Variants in SPAG9 observed in about 807,000 individuals in gnomAD.
The protein encoded by SPAG9 is C-Jun-amino-terminal kinase-interacting protein 4.
Under a neutral mutation model 166.5 loss-of-function variants are expected in SPAG9, and 35 were observed. The observed-to-expected ratio is 0.21, with a 90% CI of 0.16 to 0.28. The LOEUF is 0.28. Among genes scored for constraint, SPAG9 ranks in the 10% least tolerant of loss-of-function variants. The pLI is 1.00. For missense variants in SPAG9, 1,235 were observed against 1,603.3 expected (o/e 0.77, Z 3.92); for synonymous variants, 534 against 565.5 (o/e 0.94, Z 0.79).
At chr17:51,075,195 C>CAAAA (rs57533555) in intron 2 of SPAG9, among the ~76,000 whole-genome samples, 337 of 28,344 alleles carry the variant, frequency 0.012, 1 homozygote, top group Non-Finnish European at 0.014. Flanking sequence ...GACTCCATCT[C>CAAAA]AAAAAAAAAA....
In SPAG9 at chr17:50,977,213, T is replaced by G; in HGVS notation, c.3418A>C (p.Lys1140Gln). 1 of 1,605,612 alleles carries G rather than the reference T, an allele frequency of 6.2e-7. No individual in the cohort carries two copies. Among genetic ancestry groups the G allele is most frequent in the South Asian group, 1.1e-5 (1 of 90,880 alleles). The change falls in exon 27 of 30, where the codon AAA (lysine) becomes CAA (glutamine). Residue 1140 changes from lysine to glutamine, a missense_variant. Around this residue, in one of 6 missense-constraint regions of SPAG9, gnomAD observed 243 missense variants for 358.6 expected, o/e 0.68. Coordinates refer to ENST00000262013, the MANE Select transcript of SPAG9 (RefSeq NM_001130528.3). ...PYVSKMLGTG[K>Q]LGFSFVRITA... is the part of the protein sequence containing the mutation. Reference sequence around the variant, plus strand: ...ATTCTCACAAAAGAGAAGCCCAGTTTTCCAGTACCTGTAAAGAAAGGAGGG... The same window carrying G: ...ATTCTCACAAAAGAGAAGCCCAGTTGTCCAGTACCTGTAAAGAAAGGAGGG...
chr17:51,035,137 C>G (rs1020273592), intron 5 of SPAG9, among the ~76,000 whole-genome samples: 4 of 152,082 alleles, frequency 2.6e-5, no homozygotes, highest in Non-Finnish European at 5.9e-5. Context: ...TAGTGAGGCC[C>G]TGTCTGTAAT....
At position 50,995,477 on chromosome 17, in the gene SPAG9, G is replaced by C; in HGVS notation, c.2025C>G (p.Leu675=). The change falls in exon 17 of 30, where the codon CTC becomes CTG. Residue 675 remains leucine, a synonymous_variant. Coordinates refer to ENST00000262013, the MANE Select transcript of SPAG9 (RefSeq NM_001130528.3). ...ATGTATCTTTTTCATCCAGAGGTCT[G>C]AGATAGACAGGCACAGGTAAATTTT... ...KMKNLPVPVY[L]RPLDEKDTSM... The C allele has an allele frequency of 6.2e-7, 1 of 1,610,846 alleles. No individual in the cohort carries two copies. The highest frequency in any genetic ancestry group is 8.5e-7 in the Non-Finnish European group (1 of 1,177,204).
At chr17:51,061,548 T>G (rs917904779) in intron 2 of SPAG9, among the ~76,000 whole-genome samples, 1 of 134,134 alleles carries the variant, frequency 7.5e-6, no homozygotes, top group Non-Finnish European at 1.5e-5. Flanking sequence ...AGGTGGAGGT[T>G]GCAGTGAGGT....
intron 1 of SPAG9, among the ~76,000 whole-genome samples, chr17:51,119,912 C>A (rs1259676487): frequency 1.3e-5 from 2 of 152,208 alleles, no homozygotes; most frequent in Non-Finnish European, 2.9e-5. Flanking sequence ...AGCAAGGCAA[C>A]CCCCTGGAAA....
At chr17:51,073,039 A>T (rs916885958) in intron 2 of SPAG9, among the ~76,000 whole-genome samples, 1 of 151,908 alleles carries the variant, frequency 6.6e-6, no homozygotes, top group African/African-American at 2.4e-5. Context: ...AAAATACAAA[A>T]CTTCAGCCGG....
At chr17:50,975,377 CA>C in intron 27 of SPAG9, 1 of 201,382 alleles carries the variant, frequency 5.0e-6, no homozygotes, top group Non-Finnish European at 9.9e-6. Flanking sequence ...TTCTCCCTCA[CA>C]GTAAGAATAT....
intron 15 of SPAG9, 147 bp from the exon 16 acceptor site, chr17:50,996,841 TA>T: frequency 1.3e-6 from 1 of 798,904 alleles, no homozygotes; most frequent in East Asian, 2.8e-5. Flanking sequence ...AACAGCTCCT[TA>T]AAAAGTGTTA....
chr17:51,001,916 G>A (rs1401163753), intron 12 of SPAG9, 71 bp from the exon 13 acceptor site: 4 of 1,407,656 alleles, frequency 2.8e-6, no homozygotes, highest in South Asian at 2.6e-5. Flanking sequence ...TCAGAGTTAT[G>A]CAAAATCTTT....
At chr17:51,106,102 TACACACACACACACACACACACAC>T (rs71149344) in intron 1 of SPAG9, among the ~76,000 whole-genome samples, 26 of 110,574 alleles carry the variant, frequency 2.4e-4, no homozygotes, top group Non-Finnish European at 3.6e-4. Context: ...CCCCCATCTC[TACACACACACACACACACACACAC>T]ACACACACAC....
intron 6 of SPAG9, among the ~76,000 whole-genome samples, chr17:51,023,855 G>A (rs888009567): frequency 2.6e-5 from 4 of 152,120 alleles, no homozygotes; most frequent in Non-Finnish European, 5.9e-5. Context: ...TGGTACAGAC[G>A]GAGTTTTGCC....
At chr17:51,017,595 T>C (rs2045756685) in intron 8 of SPAG9, among the ~76,000 whole-genome samples, 1 of 152,066 alleles carries the variant, frequency 6.6e-6, no homozygotes. Context: ...TCTTGCTAGC[T>C]TGGTAATCTG....
chr17:51,089,660 A>ATATATATATATATG (rs1555658088), intron 1 of SPAG9, among the ~76,000 whole-genome samples: 1 of 105,334 alleles, frequency 9.5e-6, no homozygotes, highest in Non-Finnish European at 2.0e-5. Flanking sequence ...ATATATATAT[A>ATATATATATATATG]TATACACATA....
chr17:51,075,209 AAAAAAAAAAAAAG>A (rs1035768293), intron 2 of SPAG9, among the ~76,000 whole-genome samples: 1 of 150,228 alleles, frequency 6.7e-6, no homozygotes, highest in African/African-American at 2.4e-5. Context: ...AAAAAAAAAA[AAAAAAAAAAAAAG>A]AAGAAGAAGA....
intron 3 of SPAG9, among the ~76,000 whole-genome samples, chr17:51,055,347 T>C (rs1207946582): frequency 1.3e-5 from 2 of 151,334 alleles, no homozygotes; most frequent in African/African-American, 4.9e-5. Context: ...AGCAAGACTC[T>C]CTCTCTCACA....
chr17:51,026,443 C>T (rs1328504356), intron 6 of SPAG9, among the ~76,000 whole-genome samples: 2 of 151,540 alleles, frequency 1.3e-5, no homozygotes, highest in Non-Finnish European at 2.9e-5. Flanking sequence ...TTTAGATCTA[C>T]TTAGAAGAAA....
chr17:51,061,662 C>T (rs1008120639), intron 2 of SPAG9, among the ~76,000 whole-genome samples: 2 of 107,230 alleles, frequency 1.9e-5, no homozygotes, highest in African/African-American at 7.4e-5. Flanking sequence ...AGACATATAA[C>T]AGAATATACC....
chr17:51,019,628 G>A (rs2045853765), intron 8 of SPAG9, among the ~76,000 whole-genome samples: 1 of 151,672 alleles, frequency 6.6e-6, no homozygotes, highest in African/African-American at 2.4e-5. Flanking sequence ...CGAGGCGGGT[G>A]GATCACCTGA....
chr17:51,119,509 T>C (rs1001475), intron 1 of SPAG9, among the ~76,000 whole-genome samples: 35,975 of 151,846 alleles, frequency 0.24, 5,071 homozygotes, highest in Admixed American at 0.34. Context: ...GTTCACAGAG[T>C]CGAGGTGAGG....
Sources: gnomAD v4.1 joint callset for allele counts (sites outside exome capture counted in the v4.1 genomes callset) on GRCh38, gnomAD v4.1.1 for gene constraint, gnomAD v4.1.1 regional missense constraint, MANE v1.5 for transcripts, NCBI Gene and HGNC (gene_info 2026-07-23, HGNC 2026-07-21) for gene names.